Variants in HMCN1 observed in about 807,000 individuals in gnomAD.
The protein encoded by HMCN1 is hemicentin-1.
A neutral mutation model predicts 625.9 loss-of-function variants in HMCN1; 321 were observed. That is an observed-to-expected ratio of 0.51 (90% CI 0.47 to 0.56). The LOEUF (loss-of-function observed/expected upper bound fraction) is 0.56, where lower values mean the gene tolerates loss of function less well. Among genes scored for constraint, HMCN1 ranks in the 20% least tolerant of loss-of-function variants. HMCN1 has a pLI of 0.00. For synonymous variants in HMCN1, 2,425 were observed against 2,417.6 expected (o/e 1.00, Z -0.09); for missense variants, 6,588 against 6,887.3 (o/e 0.96, Z 1.54).
chr1:185,918,613 C>T (rs1196762277), intron 6 of HMCN1, among the ~76,000 whole-genome samples: 1 of 152,122 alleles, frequency 6.6e-6, no homozygotes, highest in Non-Finnish European at 1.5e-5. Context: ...CTAGTATAAC[C>T]TCATCTTTGC....
At chr1:186,011,403 G>C (rs1653993778) in intron 30 of HMCN1, among the ~76,000 whole-genome samples, 1 of 152,132 alleles carries the variant, frequency 6.6e-6, no homozygotes, top group Non-Finnish European at 1.5e-5. Context: ...TCTTCATACA[G>C]CTAAGTACTG....
intron 52 of HMCN1, among the ~76,000 whole-genome samples, chr1:186,072,424 A>G (rs1034774060): frequency 6.6e-6 from 1 of 152,196 alleles, no homozygotes; most frequent in Non-Finnish European, 1.5e-5. Context: ...TTTGTTGAAC[A>G]TCTACTATTT....
chr1:186,022,821 T>C (rs1474341721), intron 35 of HMCN1, among the ~76,000 whole-genome samples: 1 of 152,174 alleles, frequency 6.6e-6, no homozygotes, highest in Non-Finnish European at 1.5e-5. Flanking sequence ...TGTTTTCCAA[T>C]GAATAAGAAA....
intron 37 of HMCN1, 26 bp from the exon 38 acceptor site, chr1:186,038,803 A>G (rs1189026439): frequency 2.0e-6 from 3 of 1,495,890 alleles, no homozygotes. Flanking sequence ...TTTTACATAG[A>G]TCATCTTCTC....
chr1:186,063,088 A>ATGTATATATG (rs1209554546), intron 48 of HMCN1, among the ~76,000 whole-genome samples: 1,473 of 124,242 alleles, frequency 0.012, 86 homozygotes, highest in African/African-American at 0.051. Flanking sequence ...ATATATATAT[A>ATGTATATATG]TATATATATA....
intron 93 of HMCN1, 71 bp from the exon 94 acceptor site, chr1:186,151,128 GC>G: frequency 2.1e-6 from 3 of 1,430,146 alleles, no homozygotes; most frequent in Non-Finnish European, 2.9e-6. Context: ...CTGAATACTG[GC>G]CCTCTTTTCT....
intron 100 of HMCN1, among the ~76,000 whole-genome samples, chr1:186,168,028 C>T (rs2102626242): frequency 6.6e-6 from 1 of 151,956 alleles, no homozygotes; most frequent in South Asian, 2.1e-4. Context: ...AACCATTGTG[C>T]ATCCATGAGA....
intron 97 of HMCN1, among the ~76,000 whole-genome samples, chr1:186,154,874 C>A (rs911484268): frequency 6.6e-6 from 1 of 152,124 alleles, no homozygotes; most frequent in Admixed American, 6.6e-5. Context: ...CCTGAGATTC[C>A]CTTTTCAGTC....
chr1:185,845,188 C>A (rs1257205014), intron 1 of HMCN1, among the ~76,000 whole-genome samples: 1 of 152,150 alleles, frequency 6.6e-6, no homozygotes, highest in Non-Finnish European at 1.5e-5. Flanking sequence ...CTGTTAATGT[C>A]CTTGCAACTA....
chr1:186,157,707 T>TG (rs1255007278), intron 97 of HMCN1, among the ~76,000 whole-genome samples: 1 of 152,186 alleles, frequency 6.6e-6, no homozygotes, highest in African/African-American at 2.4e-5. Flanking sequence ...TTTTTGTTCT[T>TG]GCGATAGTTT....
At chr1:186,007,049 C>T (rs1231971662) in intron 29 of HMCN1, 79 bp from the exon 30 acceptor site, 2 of 1,067,116 alleles carry the variant, frequency 1.9e-6, no homozygotes, top group Non-Finnish European at 2.9e-6. Context: ...TTAGCCTGTA[C>T]TAATGATTTT....
In HMCN1 at chr1:186,015,228, T is replaced by C; in HGVS notation, c.4700T>C (p.Leu1567Pro). ...GTATTGATCAACAGCCTTATTAAAC[T>C]GGAATGTGAAACACGGGGACTTCCA... Reference protein sequence around the residue: ...ISVLINSLIKLECETRGLPMP... With the variant: ...ISVLINSLIKPECETRGLPMP... Residue 1567 changes from leucine (L) to proline (P), a missense_variant, in exon 31 of 107, where the codon CTG (leucine) becomes CCG (proline). Physicochemically the swap from Leu to Pro is moderately conservative, Grantham distance 98 (BLOSUM62 -3). This residue lies in a region of HMCN1 where 4,628 missense variants were observed against 4,853.1 expected (regional missense o/e 0.95). Transcript: ENST00000271588. The C allele has an allele frequency of 1.2e-6, 2 of 1,613,692 alleles. No individual in the cohort carries two copies. Among genetic ancestry groups the C allele is most frequent in the Non-Finnish European group, 8.5e-7 (1 of 1,179,718 alleles).
intron 4 of HMCN1, among the ~76,000 whole-genome samples, chr1:185,866,223 G>A (rs146212604): frequency 5.3e-5 from 8 of 151,892 alleles, no homozygotes; most frequent in East Asian, 3.9e-4. Context: ...AGTAGAATGC[G>A]AAAAAGTTAA....
chr1:185,860,858 CT>C (rs957606081), intron 2 of HMCN1, among the ~76,000 whole-genome samples: 4 of 150,986 alleles, frequency 2.6e-5, no homozygotes, highest in Middle Eastern at 3.4e-3. Flanking sequence ...CACAAAGTGG[CT>C]TTTTTTTTCC....
chr1:185,766,646 ACAG>A (rs895059186), intron 1 of HMCN1, among the ~76,000 whole-genome samples: 1 of 152,158 alleles, frequency 6.6e-6, no homozygotes, highest in African/African-American at 2.4e-5. Context: ...GGCAGTTAAA[ACAG>A]AGCTAGGTGT....
intron 2 of HMCN1, among the ~76,000 whole-genome samples, chr1:185,847,467 A>G (rs935766557): frequency 4.6e-5 from 7 of 152,198 alleles, no homozygotes; most frequent in African/African-American, 7.2e-5. Context: ...ATTTCAGCAG[A>G]TGATCTACTC....
intron 63 of HMCN1, among the ~76,000 whole-genome samples, chr1:186,090,105 G>A (rs750714315): frequency 6.6e-6 from 1 of 151,804 alleles, no homozygotes; most frequent in African/African-American, 2.4e-5. Context: ...TCTGCACATC[G>A]CTATGATCAT....
At chr1:186,150,143 G>A (rs1236881599) in intron 93 of HMCN1, among the ~76,000 whole-genome samples, 1 of 150,028 alleles carries the variant, frequency 6.7e-6, no homozygotes, top group African/African-American at 2.5e-5. Flanking sequence ...TAAAAAAAAC[G>A]CAGTGTCTGC....
Position 186,145,937 on chromosome 1 carries a change from T to C in HMCN1, c.14608+14T>C, listed in dbSNP as rs150050864. 2 of 1,613,330 alleles carry C rather than the reference T, an allele frequency of 1.2e-6. No homozygotes were observed. The highest frequency in any genetic ancestry group is 1.3e-5 in the African/African-American group (1 of 74,966). On this transcript the variant is annotated intron_variant, in intron 93 of 106. Transcript: ENST00000271588. The stretch of plus-strand genomic sequence containing the variant: ...AAGCATGTCCAGGTAAGCAACTAAA[T>C]TGGACTTTGGTAGCACATTTAGAGC...
Sources: allele counts gnomAD v4.1 joint callset (sites outside exome capture counted in the v4.1 genomes callset), GRCh38; gene constraint gnomAD v4.1.1; regional missense constraint gnomAD v4.1.1; transcripts MANE v1.5; gene names NCBI Gene and HGNC (gene_info 2026-07-23, HGNC 2026-07-21).